Variants in ENTPD1 observed in about 807,000 individuals in gnomAD.
ENTPD1 encodes the protein ectonucleoside triphosphate diphosphohydrolase 1.
A neutral mutation model predicts 57.0 loss-of-function variants in ENTPD1; 33 were observed. The ratio of observed to expected loss-of-function variants is 0.58; its 90% CI spans 0.44 to 0.77. The LOEUF is 0.77. Among genes scored for constraint, ENTPD1 ranks in the 30% least tolerant of loss-of-function variants. The pLI, the probability that ENTPD1 is intolerant of heterozygous loss-of-function variation, is 0.00. For synonymous variants in ENTPD1, 202 were observed against 218.8 expected (o/e 0.92, Z 0.68); for missense variants, 501 against 603.4 (o/e 0.83, Z 1.78).
chr10:95,818,551 C>G (rs1445669044), intron 1 of ENTPD1, among the ~76,000 whole-genome samples: 1 of 152,086 alleles, frequency 6.6e-6, no homozygotes, highest in Non-Finnish European at 1.5e-5. Context: ...CAGAAAGGGC[C>G]ATTGTAGAAG....
At chr10:95,770,156 A>G (rs578131526) in intron 1 of ENTPD1, among the ~76,000 whole-genome samples, 4 of 151,752 alleles carry the variant, frequency 2.6e-5, no homozygotes, top group East Asian at 3.9e-4. Flanking sequence ...AAAAACGACA[A>G]TGCTCTAAGG....
chr10:95,758,601 T>A (rs1307625864), intron 1 of ENTPD1, among the ~76,000 whole-genome samples: 1 of 152,158 alleles, frequency 6.6e-6, no homozygotes, highest in African/African-American at 2.4e-5. Flanking sequence ...CTGCATCACC[T>A]TCTCTCCCTT....
chr10:95,737,019 G>A (rs1302073745), intron 1 of ENTPD1, among the ~76,000 whole-genome samples: 2 of 152,224 alleles, frequency 1.3e-5, no homozygotes, highest in Non-Finnish European at 2.9e-5. Flanking sequence ...GTCTACTGAA[G>A]TTGAACTAAG....
intron 2 of ENTPD1, among the ~76,000 whole-genome samples, chr10:95,834,939 A>T (rs1318308484): frequency 3.3e-5 from 5 of 152,178 alleles, no homozygotes; most frequent in South Asian, 2.1e-4. Flanking sequence ...AAAAAAATTT[A>T]AAAATTTAAT....
Position 95,877,017 on chromosome 10 carries a change from T to C in ENTPD1, c.*10634T>C, listed in dbSNP as rs1272120713. 1.3e-5 allele frequency among the ~76,000 whole-genome samples: 2 copies of C among 152,136 alleles called. No individual in the cohort carries two copies. Among genetic ancestry groups the C allele is most frequent in the African/African-American group, 4.8e-5 (2 of 41,422 alleles). ...TGACTAGAATGGAAGTAGGAGACAT[T>C]TTGCAGGCCCCCTTCATCCTGCAGG... is the stretch of plus-strand genomic sequence containing the variant. On this transcript the variant is annotated 3_prime_UTR_variant, in exon 10 of 10. Coordinates refer to ENST00000371205, the MANE Select transcript of ENTPD1 (RefSeq NM_001776.6).
rs748251415 is a variant in ENTPD1 at position 95,868,042 on chromosome 10, G to T, written c.*1659G>T. ...TATACTGTCATCGCTGCTGTTGGTT[G>T]AGCATTTGTGGTGTACCACGCTGTG... On this transcript the variant is annotated 3_prime_UTR_variant, in exon 10 of 10. Transcript: ENST00000371205. The T allele has an allele frequency of 3.0e-6, 3 of 985,434 alleles. No individual in the cohort carries two copies. The highest frequency in any genetic ancestry group is 2.4e-6 in the Non-Finnish European group (2 of 829,918). The allele number at this position is 985,434 out of a possible 1,614,324, so 61.0% of individuals were successfully genotyped here. A position where few individuals can be genotyped will look rare whatever the true frequency, so the allele number is the denominator to read the frequency against.
intron 1 of ENTPD1, among the ~76,000 whole-genome samples, chr10:95,787,854 A>G (rs1357082426): frequency 2.6e-5 from 4 of 152,222 alleles, no homozygotes; most frequent in Non-Finnish European, 4.4e-5. Flanking sequence ...TGAAGTGCCT[A>G]CTACAGTGCT....
At chr10:95,804,348 C>CAAACAAATCTACCCATCTGACAAAGAG (rs2098263484) in intron 1 of ENTPD1, among the ~76,000 whole-genome samples, 1 of 152,178 alleles carries the variant, frequency 6.6e-6, no homozygotes, top group African/African-American at 2.4e-5. Context: ...TTGTTTGTGT[C>CAAACAAATCTACCCATCTGACAAAGAG]CTCTTTTATT....
Position 95,867,365 on chromosome 10 carries a change from G to T in ENTPD1, c.*982G>T, listed in dbSNP as rs1345876720. ...TCATCAATACATTGTCTAGAGACAAGACTATCCTGGGTAGGCAGAAACCAT... is the reference window on the plus strand; with the variant it reads ...TCATCAATACATTGTCTAGAGACAATACTATCCTGGGTAGGCAGAAACCAT... On this transcript the variant is annotated 3_prime_UTR_variant, in exon 10 of 10. Coordinates refer to ENST00000371205, the MANE Select transcript of ENTPD1 (RefSeq NM_001776.6). The T allele has an allele frequency of 2.0e-6, 2 of 985,420 alleles. No homozygotes were observed. Among genetic ancestry groups the T allele is most frequent in the African/African-American group, 3.5e-5 (2 of 57,348 alleles). The allele number at this position is 985,420 out of a possible 1,614,324, so 61.0% of individuals were successfully genotyped here. A position where few individuals can be genotyped will look rare whatever the true frequency, so the allele number is the denominator to read the frequency against.
chr10:95,844,712 G>A (rs1401501876), intron 5 of ENTPD1, 77 bp downstream of exon 5: 33 of 1,549,474 alleles, frequency 2.1e-5, no homozygotes, highest in East Asian at 6.7e-5. Context: ...TACTTGGGTC[G>A]CTAGCCAGAA....
Position 95,867,979 on chromosome 10 carries a change from A to T in ENTPD1, c.*1596A>T, listed in dbSNP as rs1468211484. On this transcript the variant is annotated 3_prime_UTR_variant, in exon 10 of 10. Coordinates refer to ENST00000371205, the MANE Select transcript of ENTPD1 (RefSeq NM_001776.6). ...ATCTTGATTAGGAATCAAAATTCGAATTGGGACATGTTCAAATTCTTTCTT... is the reference window on the plus strand; with the variant it reads ...ATCTTGATTAGGAATCAAAATTCGATTTGGGACATGTTCAAATTCTTTCTT... 13 of 985,358 alleles carry T rather than the reference A, an allele frequency of 1.3e-5. No homozygotes were observed. The highest frequency in any genetic ancestry group is 3.5e-5 in the African/African-American group (2 of 57,256). The allele number at this position is 985,358 out of a possible 1,614,324, so 61.0% of individuals were successfully genotyped here. A position where few individuals can be genotyped will look rare whatever the true frequency, so the allele number is the denominator to read the frequency against.
intron 1 of ENTPD1, among the ~76,000 whole-genome samples, chr10:95,763,876 C>G (rs959095685): frequency 2.0e-5 from 3 of 152,212 alleles, no homozygotes; most frequent in African/African-American, 4.8e-5. Context: ...TAATTCAGTT[C>G]TCCAACCATC....
At chr10:95,697,177 C>G in the ENTPD1 span, among the ~76,000 whole-genome samples, 1 of 152,120 alleles carries the variant, frequency 6.6e-6, no homozygotes, top group Non-Finnish European at 1.5e-5. Flanking sequence ...CAATAGTGGC[C>G]CTTAGACAAT....
chr10:95,772,568 C>T (rs560907173), intron 1 of ENTPD1, among the ~76,000 whole-genome samples: 4 of 152,324 alleles, frequency 2.6e-5, no homozygotes, highest in Admixed American at 2.0e-4. Context: ...TTCACATCTT[C>T]AGGCTCCACT....
At chr10:95,742,404 C>G (rs1008227528) in intron 1 of ENTPD1, among the ~76,000 whole-genome samples, 3 of 151,944 alleles carry the variant, frequency 2.0e-5, no homozygotes, top group Non-Finnish European at 2.9e-5. Context: ...AACCAGCAGT[C>G]GCTACTCCTT....
Position 95,845,520 on chromosome 10 carries a change from A to G in ENTPD1, c.737A>G (p.Tyr246Cys). ...ALQFRLYGKD[Y>C]NVYTHSFLCY... ...CAATTTCGCCTCTATGGCAAGGACT[A>G]CAATGTCTACACACATAGCTTCTTG... The change falls in exon 6 of 10, where the codon TAC becomes TGC. Residue 246 changes from tyrosine (Y) to cysteine (C), a missense_variant. Coordinates refer to ENST00000371205, the MANE Select transcript of ENTPD1 (RefSeq NM_001776.6). 1 of 1,614,230 alleles carries G rather than the reference A, an allele frequency of 6.2e-7. No homozygotes were observed. The highest frequency in any genetic ancestry group is 8.5e-7 in the Non-Finnish European group (1 of 1,180,040).
intron 1 of ENTPD1, among the ~76,000 whole-genome samples, chr10:95,732,237 G>C (rs1003227284): frequency 6.6e-6 from 1 of 152,216 alleles, no homozygotes; most frequent in African/African-American, 2.4e-5. Flanking sequence ...CAAGGTTGGG[G>C]TTATTGGTGG....
intron 7 of ENTPD1, 140 bp downstream of exon 7, chr10:95,847,846 C>A: frequency 8.2e-7 from 1 of 1,225,566 alleles, no homozygotes; most frequent in Non-Finnish European, 1.2e-6. Flanking sequence ...GGTTCTTCAG[C>A]TCAACTATGT....
chr10:95,792,070 T>C (rs2098206370), intron 1 of ENTPD1, among the ~76,000 whole-genome samples: 1 of 150,126 alleles, frequency 6.7e-6, no homozygotes, highest in South Asian at 2.1e-4. Context: ...CCTTGCATAG[T>C]TAAAAAAAAA....
Sources: gnomAD v4.1 joint callset for allele counts (sites outside exome capture counted in the v4.1 genomes callset) on GRCh38, gnomAD v4.1.1 for gene constraint, MANE v1.5 for transcripts, NCBI Gene and HGNC (gene_info 2026-07-23, HGNC 2026-07-21) for gene names.